TAFA4: variants seen among roughly 807,000 people sequenced by gnomAD.
The protein encoded by TAFA4 is chemokine-like protein TAFA-4.
In TAFA4, 20 loss-of-function variants were observed where a neutral mutation model predicts 21.1. The ratio of observed to expected loss-of-function variants is 0.95; its 90% CI spans 0.67 to 1.38. The LOEUF (loss-of-function observed/expected upper bound fraction) is 1.38. Among genes scored for constraint, TAFA4 ranks in the 40% most tolerant of loss-of-function variants. TAFA4 has a pLI of 0.00. For missense variants in TAFA4, 211 were observed against 180.9 expected (o/e 1.17, Z -0.95); for synonymous variants, 71 against 67.4 (o/e 1.05, Z -0.26).
At chr3:68,888,482 T>C (rs1266597007) in intron 1 of TAFA4, among the ~76,000 whole-genome samples, 3 of 152,144 alleles carry the variant, frequency 2.0e-5, no homozygotes, top group Non-Finnish European at 4.4e-5. Flanking sequence ...CTCTACCCAT[T>C]ACCCAACTCC....
chr3:68,865,836 T>C (rs2089408970), intron 3 of TAFA4, among the ~76,000 whole-genome samples: 1 of 152,060 alleles, frequency 6.6e-6, no homozygotes, highest in Non-Finnish European at 1.5e-5. Flanking sequence ...AGATGTTCCC[T>C]GAAACCACAG....
chr3:68,807,502 T>C (rs895408886), intron 3 of TAFA4, among the ~76,000 whole-genome samples: 1 of 152,286 alleles, frequency 6.6e-6, no homozygotes, highest in East Asian at 1.9e-4. Flanking sequence ...ACATTTGATA[T>C]CTTACAATGC....
chr3:68,734,343 G>A (rs1265448753), intron 5 of TAFA4, among the ~76,000 whole-genome samples: 3 of 152,056 alleles, frequency 2.0e-5, no homozygotes, highest in African/African-American at 7.2e-5. Context: ...GGAAGAGGTT[G>A]GATAAACAGG....
At chr3:68,824,031 C>G (rs1444671665) in intron 3 of TAFA4, among the ~76,000 whole-genome samples, 1 of 152,140 alleles carries the variant, frequency 6.6e-6, no homozygotes, top group Non-Finnish European at 1.5e-5. Context: ...GGATCCATGA[C>G]TCAGAGAAAG....
chr3:68,858,068 C>T (rs1305021741), intron 3 of TAFA4, among the ~76,000 whole-genome samples: 1 of 152,072 alleles, frequency 6.6e-6, no homozygotes, highest in Non-Finnish European at 1.5e-5. Flanking sequence ...TGTCAGATGC[C>T]ACTCACTTCA....
intron 1 of TAFA4, among the ~76,000 whole-genome samples, chr3:68,923,911 G>T (rs2090082310): frequency 1.3e-5 from 2 of 152,306 alleles, no homozygotes; most frequent in African/African-American, 4.8e-5. Context: ...CAAACTACCA[G>T]TGTGGCTTCC....
At position 68,911,256 on chromosome 3, in the gene TAFA4, A is replaced by C. The variant is rs556898958; in HGVS notation, c.-123+20984T>G. ...TATAAAAGACTGCATTTGGAGACTTAACAGCTTTCCCCCATGTTTCTATCA... is the reference window on the plus strand; with the variant it reads ...TATAAAAGACTGCATTTGGAGACTTCACAGCTTTCCCCCATGTTTCTATCA... On this transcript the variant is annotated intron_variant, in intron 1 of 5. Coordinates refer to ENST00000295569, the MANE Select transcript of TAFA4 (RefSeq NM_182522.5). Among the ~76,000 whole-genome samples the C allele has an allele frequency of 3.9e-5, 6 of 152,346 alleles. 1 individual carries two copies. The highest frequency in any genetic ancestry group is 1.3e-4 in the Admixed American group (2 of 15,306).
At chr3:68,859,386 T>C (rs898363544) in intron 3 of TAFA4, among the ~76,000 whole-genome samples, 13 of 152,288 alleles carry the variant, frequency 8.5e-5, no homozygotes, top group African/African-American at 2.9e-4. Context: ...TCTTAATTCA[T>C]GTCTCCTTGC....
At chr3:68,835,744 G>A (rs1704509960) in intron 3 of TAFA4, among the ~76,000 whole-genome samples, 1 of 152,236 alleles carries the variant, frequency 6.6e-6, no homozygotes, top group Non-Finnish European at 1.5e-5. Context: ...TAGAAATGAT[G>A]AAGAAATCTG....
intron 3 of TAFA4, among the ~76,000 whole-genome samples, chr3:68,767,439 A>C (rs935521862): frequency 5.3e-5 from 8 of 152,178 alleles, no homozygotes. Flanking sequence ...AAACATTTAC[A>C]CATGCAAATA....
intron 1 of TAFA4, among the ~76,000 whole-genome samples, chr3:68,906,125 T>C (rs770051348): frequency 8.5e-5 from 13 of 152,116 alleles, no homozygotes; most frequent in Non-Finnish European, 1.8e-4. Flanking sequence ...ACACAGCAGG[T>C]CAGATGTGGA....
At chr3:68,782,841 T>C (rs948429356) in intron 3 of TAFA4, among the ~76,000 whole-genome samples, 3 of 152,332 alleles carry the variant, frequency 2.0e-5, no homozygotes, top group South Asian at 2.1e-4. Context: ...TTGTACAACA[T>C]TGTGAATGTA....
chr3:68,753,334 G>GT (rs4065540), intron 3 of TAFA4, among the ~76,000 whole-genome samples: 22,630 of 114,240 alleles, frequency 0.2, 2,941 homozygotes, highest in Non-Finnish European at 0.25. Context: ...GATTGATAGA[G>GT]TTTTTTTTTT....
In TAFA4 at chr3:68,748,157, C is replaced by T. The variant is rs1415955636; in HGVS notation, c.286+4706G>A. Among the ~76,000 whole-genome samples the T allele has an allele frequency of 1.3e-5, 2 of 152,220 alleles. 1 individual carries two copies. Among genetic ancestry groups the T allele is most frequent in the Non-Finnish European group, 2.9e-5 (2 of 68,044 alleles). On this transcript the variant is annotated intron_variant, in intron 4 of 5. Coordinates refer to ENST00000295569, the MANE Select transcript of TAFA4 (RefSeq NM_182522.5). The stretch of plus-strand genomic sequence containing the variant: ...CCAGGACCTGAGTCTCCTTATCATG[C>T]TTCCATCTGGCATCTAGGGCAGGTC...
intron 2 of TAFA4, among the ~76,000 whole-genome samples, chr3:68,882,656 G>T (rs1447312642): frequency 1.3e-5 from 2 of 152,232 alleles, no homozygotes; most frequent in African/African-American, 4.8e-5. Flanking sequence ...TTATGTGTGA[G>T]ACAGAGTGTT....
intron 3 of TAFA4, among the ~76,000 whole-genome samples, chr3:68,759,083 A>G (rs1702713591): frequency 6.6e-6 from 1 of 152,184 alleles, no homozygotes; most frequent in Non-Finnish European, 1.5e-5. Context: ...GGCCCAGCAA[A>G]AGCCAGTGTT....
intron 4 of TAFA4, among the ~76,000 whole-genome samples, chr3:68,742,275 A>G (rs1185406015): frequency 6.6e-6 from 1 of 152,244 alleles, no homozygotes; most frequent in Non-Finnish European, 1.5e-5. Context: ...TTTCTATTCA[A>G]TAGAGTACCA....
intron 3 of TAFA4, among the ~76,000 whole-genome samples, chr3:68,879,017 T>C (rs1223367336): frequency 6.6e-6 from 1 of 152,140 alleles, no homozygotes; most frequent in Admixed American, 6.6e-5. Flanking sequence ...AAATACCTCC[T>C]TGTTTACACA....
At chr3:68,912,474 T>C (rs1320013710) in intron 1 of TAFA4, among the ~76,000 whole-genome samples, 1 of 152,196 alleles carries the variant, frequency 6.6e-6, no homozygotes, top group African/African-American at 2.4e-5. Context: ...CACACTATAT[T>C]GGGTTTTTAT....
Sources: allele counts gnomAD v4.1 joint callset (sites outside exome capture counted in the v4.1 genomes callset), GRCh38; gene constraint gnomAD v4.1.1; transcripts MANE v1.5; gene names NCBI Gene and HGNC (gene_info 2026-07-23, HGNC 2026-07-21).